The following NTMT2 variants were observed in gnomAD, a reference collection of about 807,000 sequenced individuals.
The protein encoded by NTMT2 is N-terminal Xaa-Pro-Lys N-methyltransferase 2.
Under a neutral mutation model 23.4 loss-of-function variants are expected in NTMT2, and 21 were observed. That is an observed-to-expected ratio of 0.90 (90% CI 0.64 to 1.29). NTMT2 has a LOEUF of 1.29. Ranked by LOEUF, NTMT2 falls within the 50% of genes most tolerant of loss-of-function variation. NTMT2 has a pLI of 0.00. For missense variants in NTMT2, 336 were observed against 352.0 expected (o/e 0.95, Z 0.36); for synonymous variants, 131 against 127.7 (o/e 1.03, Z -0.17).
At chr1:170,147,411 G>T (rs1672988003) in intron 1 of NTMT2, among the ~76,000 whole-genome samples, 1 of 151,936 alleles carries the variant, frequency 6.6e-6, no homozygotes, top group South Asian at 2.1e-4. Context: ...GTAAAATTCA[G>T]AGATGATGAT....
rs547505012 is a variant in NTMT2, at chr1:170,153,281, G to A, written c.154+7020G>A. ...GACAATTGGTACTGATGAGTAGAGCGTTGCTCCTGAAATGCCTGACATGTG... is the reference window on the plus strand; with the variant it reads ...GACAATTGGTACTGATGAGTAGAGCATTGCTCCTGAAATGCCTGACATGTG... On this transcript the variant is annotated intron_variant, in intron 1 of 3. Transcript: ENST00000439373. Among the ~76,000 whole-genome samples the A allele has an allele frequency of 1.1e-3, 162 of 152,306 alleles. 2 individuals carry two copies. Among genetic ancestry groups the A allele is most frequent in the South Asian group, 8.5e-3 (41 of 4,824 alleles).
intron 2 of NTMT2, among the ~76,000 whole-genome samples, chr1:170,165,721 T>C (rs1213625348): frequency 6.6e-6 from 1 of 152,238 alleles, no homozygotes; most frequent in East Asian, 1.9e-4. Flanking sequence ...GGTTCTTTTT[T>C]GCTTTTCTGT....
intron 1 of NTMT2, among the ~76,000 whole-genome samples, chr1:170,159,622 A>G (rs1200032566): frequency 6.6e-6 from 1 of 151,986 alleles, no homozygotes; most frequent in Non-Finnish European, 1.5e-5. Context: ...TTTCCTCACT[A>G]TTATGGGTTT....
chr1:170,151,565 C>T (rs780869378), intron 1 of NTMT2: 5 of 153,210 alleles, frequency 3.3e-5, no homozygotes, highest in Non-Finnish European at 7.4e-5. Context: ...GGCATTGCTG[C>T]ACAACTCATT....
intron 1 of NTMT2, among the ~76,000 whole-genome samples, chr1:170,159,420 G>GTTTTTTTTTTTTTTT (rs1673225599): frequency 4.5e-5 from 4 of 88,218 alleles, no homozygotes; most frequent in East Asian, 3.5e-4. Flanking sequence ...TTTATGCTCT[G>GTTTTTTTTTTTTTTT]GTTTTTTTTT....
chr1:170,159,327 C>G (rs796960074), intron 1 of NTMT2, among the ~76,000 whole-genome samples: 17 of 150,828 alleles, frequency 1.1e-4, no homozygotes, highest in African/African-American at 3.2e-4. Flanking sequence ...TTTTCCCTTT[C>G]TAGGATTACA....
chr1:170,166,379 G>A, intron 2 of NTMT2, 123 bp from the exon 3 acceptor site: 1 of 960,216 alleles, frequency 1.0e-6, no homozygotes, highest in South Asian at 1.6e-5. Flanking sequence ...TTGACCTCGT[G>A]ATCCGCCCGC....
Position 170,166,679 on chromosome 1 carries a change from C to G in NTMT2, c.508C>G (p.His170Asp). ...CAAAGGTGACAAAGTAGAAAGCTAC[C>G]ACTGCTACAGCCTGCAGGAATTCAC... ...QVKGDKVESYHCYSLQEFTPP... is the reference protein window; with the variant it reads ...QVKGDKVESYDCYSLQEFTPP... The change falls in exon 3 of 4, where the codon CAC becomes GAC. Residue 170 changes from histidine (H) to aspartate (D), a missense_variant. Physicochemically the swap from His to Asp is moderately conservative, Grantham distance 81. Transcript: ENST00000439373. The G allele has an allele frequency of 6.4e-7, 1 of 1,552,214 alleles. No homozygotes were observed. Among genetic ancestry groups the G allele is most frequent in the Non-Finnish European group, 8.7e-7 (1 of 1,147,084 alleles).
intron 2 of NTMT2, 40 bp downstream of exon 2, chr1:170,160,733 C>T (rs1673260112): frequency 5.4e-6 from 8 of 1,467,986 alleles, no homozygotes; most frequent in Non-Finnish European, 6.3e-6. Flanking sequence ...AGGCAAAGTC[C>T]TTGCAAACAT....
chr1:170,162,675 C>G (rs971190458), intron 2 of NTMT2, among the ~76,000 whole-genome samples: 5 of 152,152 alleles, frequency 3.3e-5, no homozygotes, highest in African/African-American at 1.2e-4. Context: ...CTATTATTAG[C>G]TCTGTTTCTA....
intron 1 of NTMT2, 22 bp from the exon 2 acceptor site, chr1:170,160,496 A>G: frequency 1.3e-6 from 2 of 1,493,766 alleles, no homozygotes; most frequent in Non-Finnish European, 8.9e-7. Flanking sequence ...ATTAATACCT[A>G]TTAATAATGT....
In NTMT2 at chr1:170,146,221, C is replaced by A; in HGVS notation, c.114C>A (p.Phe38Leu). Reference sequence around the variant, plus strand: ...TTCACAAAGCCATTCGCAATGACTTCTTTCAGAGCTATCTCTACCTGCTGG... The same window carrying A: ...TTCACAAAGCCATTCGCAATGACTTATTTCAGAGCTATCTCTACCTGCTGG... ...FILHKAIRND[F>L]FQSYLYLLEK... The change falls in exon 1 of 4, where the codon TTC (phenylalanine) becomes TTA (leucine). Residue 38 changes from phenylalanine (F) to leucine (L), a missense_variant. Physicochemically the swap from Phe to Leu is conservative, Grantham distance 22. Coordinates refer to ENST00000439373, the MANE Select transcript of NTMT2 (RefSeq NM_001136107.2). 6.4e-7 allele frequency: 1 copy of A among 1,550,842 alleles called. No individual in the cohort carries two copies. Among genetic ancestry groups the A allele is most frequent in the South Asian group, 1.2e-5 (1 of 83,986 alleles).
At chr1:170,163,316 T>A (rs1673308877) in intron 2 of NTMT2, among the ~76,000 whole-genome samples, 1 of 152,178 alleles carries the variant, frequency 6.6e-6, no homozygotes, top group Non-Finnish European at 1.5e-5. Flanking sequence ...ATACAAAGAG[T>A]TAGGGAATAC....
intron 2 of NTMT2, 41 bp from the exon 3 acceptor site, chr1:170,166,461 A>G (rs1270652745): frequency 9.0e-6 from 14 of 1,549,184 alleles, no homozygotes; most frequent in Non-Finnish European, 1.2e-5. Flanking sequence ...ATTTTCAAGG[A>G]TGGGTCTCTG....
chr1:170,167,339 C>G (rs1297184906), intron 3 of NTMT2, 147 bp from the exon 4 acceptor site: 2 of 732,578 alleles, frequency 2.7e-6, no homozygotes, highest in East Asian at 5.4e-5. Context: ...TCTAAATTTT[C>G]AAAGCCTCCT....
rs1672955385 is a variant in NTMT2, at chr1:170,145,983, A to G, written c.-125A>G. 2.2e-6 allele frequency: 2 copies of G among 899,462 alleles called. No individual in the cohort carries two copies. The highest frequency in any genetic ancestry group is 3.3e-6 in the Non-Finnish European group (2 of 607,240). 55.7% of individuals were successfully genotyped at this position (899,462 alleles called of 1,614,324 possible). On this transcript the variant is annotated 5_prime_UTR_variant, in exon 1 of 4. In the 5' UTR this introduces an upstream ATG that the reference lacks. Transcript: ENST00000439373. ...CACACCCATGACAGCCTGTCCTGAT[A>G]TAGATGGAGAGGGGACTGGTTTAAA...
At chr1:170,164,471 A>T (rs1462842936) in intron 2 of NTMT2, among the ~76,000 whole-genome samples, 3 of 152,258 alleles carry the variant, frequency 2.0e-5, no homozygotes, top group African/African-American at 7.2e-5. Flanking sequence ...TACTTAGAAG[A>T]TGCTTCTTTC....
At chr1:170,153,402 A>G (rs1673107000) in intron 1 of NTMT2, among the ~76,000 whole-genome samples, 2 of 152,202 alleles carry the variant, frequency 1.3e-5, no homozygotes, top group East Asian at 3.8e-4. Context: ...CAAGATGATG[A>G]GGAAAAGTTT....
At chr1:170,161,615 A>G (rs958045170) in intron 2 of NTMT2, 1 of 152,356 alleles carries the variant, frequency 6.6e-6, no homozygotes, top group South Asian at 2.1e-4. Flanking sequence ...GGGCATGACA[A>G]TAGAAGCTAC....
Sources: gnomAD v4.1 joint callset for allele counts (sites outside exome capture counted in the v4.1 genomes callset) on GRCh38, gnomAD v4.1.1 for gene constraint, MANE v1.5 for transcripts, NCBI Gene and HGNC (gene_info 2026-07-23, HGNC 2026-07-21) for gene names.